LHFPL4: variants seen among roughly 807,000 people sequenced by gnomAD.
The protein encoded by LHFPL4 is LHFPL tetraspan subfamily member 4.
Under a neutral mutation model 20.0 loss-of-function variants are expected in LHFPL4, and 6 were observed. The observed-to-expected ratio is 0.30, with a 90% CI of 0.16 to 0.59. LHFPL4 has a LOEUF of 0.59. Ranked by LOEUF, LHFPL4 falls within the 20% of genes least tolerant of loss-of-function variation. The pLI, the probability that LHFPL4 is intolerant of heterozygous loss-of-function variation, is 0.88. For synonymous variants in LHFPL4, 129 were observed against 143.8 expected (o/e 0.90, Z 0.74); for missense variants, 215 against 331.2 (o/e 0.65, Z 2.72).
chr3:9,502,326 G>C lies in LHFPL4; in HGVS notation c.644-15C>G, dbSNP rs375906196. The C allele has an allele frequency of 5.2e-5, 81 of 1,555,452 alleles. No homozygotes were observed. The highest frequency in any genetic ancestry group is 6.8e-5 in the Non-Finnish European group (77 of 1,127,062). ...GCCCACAAAATCTAAGAGAGAGAGA[G>C]AGAGAGAGAAGGAGAGAGAATTAGA... On this transcript the variant is annotated splice_polypyrimidine_tract_variant and intron_variant, in intron 3 of 3. Transcript: ENST00000287585.
chr3:9,527,160 G>T (rs2046381061), intron 2 of LHFPL4, among the ~76,000 whole-genome samples: 1 of 150,696 alleles, frequency 6.6e-6, no homozygotes, highest in Non-Finnish European at 1.5e-5. Flanking sequence ...AGATAGAAAT[G>T]AAGTTTATAA....
chr3:9,541,780 A>C (rs564129733), intron 2 of LHFPL4, among the ~76,000 whole-genome samples: 1 of 152,252 alleles, frequency 6.6e-6, no homozygotes, highest in East Asian at 1.9e-4. Context: ...TCAAAGAAAA[A>C]AAAAATGGAT....
intron 2 of LHFPL4, among the ~76,000 whole-genome samples, chr3:9,521,232 C>T (rs1269016595): frequency 1.4e-5 from 2 of 139,396 alleles, no homozygotes; most frequent in Admixed American, 7.3e-5. Context: ...TCTTCTTCTT[C>T]TTTTTTTTTT....
Position 9,552,698 on chromosome 3 carries a change from C to G in LHFPL4, c.-19G>C. The stretch of plus-strand genomic sequence containing the variant: ...GCAGCATGGTGCCCGGAGGCGGGGC[C>G]GGCGGCGGCGGCGGCTGGCGGGGGC... On this transcript the variant is annotated 5_prime_UTR_variant, in exon 2 of 4. Transcript: ENST00000287585. 1 of 1,279,212 alleles carries G rather than the reference C, an allele frequency of 7.8e-7. No individual in the cohort carries two copies. The allele number at this position is 1,279,212 out of a possible 1,614,324, so 79.2% of individuals were successfully genotyped here.
chr3:9,535,704 C>T (rs577238251), intron 2 of LHFPL4, among the ~76,000 whole-genome samples: 1 of 150,632 alleles, frequency 6.6e-6, no homozygotes, highest in African/African-American at 2.5e-5. Flanking sequence ...AAGGACCTGG[C>T]TAGGTTTGAG....
At chr3:9,517,153 T>C (rs879888343) in intron 2 of LHFPL4, among the ~76,000 whole-genome samples, 4 of 152,172 alleles carry the variant, frequency 2.6e-5, no homozygotes, top group Admixed American at 1.3e-4. Context: ...ATCAATCCTC[T>C]GATTTTGTTC....
At chr3:9,508,274 C>T (rs1033602383) in intron 2 of LHFPL4, among the ~76,000 whole-genome samples, 13 of 152,140 alleles carry the variant, frequency 8.5e-5, no homozygotes, top group Non-Finnish European at 1.6e-4. Flanking sequence ...CTCCCCAACA[C>T]GTGCTCCTCT....
At chr3:9,504,381 GAAA>G (rs59021970) in intron 3 of LHFPL4, among the ~76,000 whole-genome samples, 1 of 139,062 alleles carries the variant, frequency 7.2e-6, no homozygotes, top group African/African-American at 2.6e-5. Flanking sequence ...CTGTCTCAAG[GAAA>G]AAAAAAAAAA....
At position 9,499,405 on chromosome 3, in the gene LHFPL4, C is replaced by G. The variant is rs575544464; in HGVS notation, c.*2806G>C. 1.3e-5 allele frequency: 2 copies of G among 152,950 alleles called. No homozygotes were observed. Among genetic ancestry groups the G allele is most frequent in the African/African-American group, 4.8e-5 (2 of 41,588 alleles). 9.5% of individuals were successfully genotyped at this position (152,950 alleles called of 1,614,324 possible). A position where few individuals can be genotyped will look rare whatever the true frequency, so the allele number is the denominator to read the frequency against. On this transcript the variant is annotated 3_prime_UTR_variant, in exon 4 of 4. Transcript: ENST00000287585. ...TCTGACTTCTACCCCTTGCCTGTGT[C>G]ACCCTGGGGTTCCCGCAGACTTCAG... is the stretch of plus-strand genomic sequence containing the variant.
Position 9,552,293 on chromosome 3 carries a change from G to C in LHFPL4, c.387C>G (p.Ala129=). 6.2e-7 allele frequency: 1 copy of C among 1,607,600 alleles called. No individual in the cohort carries two copies. Among genetic ancestry groups the C allele is most frequent in the Non-Finnish European group, 8.5e-7 (1 of 1,175,370 alleles). The change falls in exon 2 of 4, where the codon GCC becomes GCG. Residue 129 remains alanine (A), a synonymous_variant. Coordinates refer to ENST00000287585, the MANE Select transcript of LHFPL4 (RefSeq NM_198560.3). ...CCCTACCTGCCAAGAGCTGCATCCAGGCGCAGATCTTGTAGACCGTAGCCG... is the reference window on the plus strand; with the variant it reads ...CCCTACCTGCCAAGAGCTGCATCCACGCGCAGATCTTGTAGACCGTAGCCG... ...CNTATVYKIC[A]WMQLLAALCL...
At chr3:9,542,648 G>A (rs2542341) in intron 2 of LHFPL4, among the ~76,000 whole-genome samples, 145,373 of 151,888 alleles carry the variant, frequency 0.96, 69,608 homozygotes, top group Middle Eastern at 0.99. Flanking sequence ...TTCTACCAAA[G>A]TTTTAAAAAA....
chr3:9,552,608 C>A lies in LHFPL4; in HGVS notation c.72G>T (p.Val24=). 4 of 1,613,898 alleles carry A rather than the reference C, an allele frequency of 2.5e-6. No individual in the cohort carries two copies. Among genetic ancestry groups the A allele is most frequent in the Non-Finnish European group, 3.4e-6 (4 of 1,179,922 alleles). Residue 24 remains valine (V), a synonymous_variant, in exon 2 of 4, where the codon GTG becomes GTT. Coordinates refer to ENST00000287585, the MANE Select transcript of LHFPL4 (RefSeq NM_198560.3). ...HYMRNSRAIG[V]LWAIFTICFA... ...AGCAGATGGTGAAGATGGCCCACAG[C>A]ACGCCGATGGCCCGCGAGTTCCGCA... is the stretch of plus-strand genomic sequence containing the variant.
intron 2 of LHFPL4, among the ~76,000 whole-genome samples, chr3:9,529,631 TTTTA>T (rs535717247): frequency 2.3e-3 from 344 of 152,104 alleles, no homozygotes; most frequent in African/African-American, 7.8e-3. Context: ...GAATCTTTTA[TTTTA>T]TTTATTTATT....
intron 2 of LHFPL4, among the ~76,000 whole-genome samples, chr3:9,507,304 G>A (rs1248173466): frequency 2.6e-5 from 4 of 152,160 alleles, no homozygotes; most frequent in Non-Finnish European, 5.9e-5. Flanking sequence ...AGAGAGGTAC[G>A]TAATAGCAAA....
At chr3:9,520,502 TGC>T (rs1318921620) in intron 2 of LHFPL4, among the ~76,000 whole-genome samples, 1 of 151,966 alleles carries the variant, frequency 6.6e-6, no homozygotes, top group Non-Finnish European at 1.5e-5. Context: ...TACAGGCACG[TGC>T]CACCACGCCC....
chr3:9,552,264 C>A lies in LHFPL4; in HGVS notation c.406+10G>T. On this transcript the variant is annotated intron_variant, in intron 2 of 3. Coordinates refer to ENST00000287585, the MANE Select transcript of LHFPL4 (RefSeq NM_198560.3). ...CTTGTTCTGGGAGTTCCGTCCACCC[C>A]CTCCCCTACCTGCCAAGAGCTGCAT... is the stretch of plus-strand genomic sequence containing the variant. 1 of 1,582,434 alleles carries A rather than the reference C, an allele frequency of 6.3e-7. No homozygotes were observed. Among genetic ancestry groups the A allele is most frequent in the Non-Finnish European group, 8.6e-7 (1 of 1,160,586 alleles).
intron 2 of LHFPL4, among the ~76,000 whole-genome samples, chr3:9,528,583 A>T (rs1223416479): frequency 6.6e-6 from 1 of 152,032 alleles, no homozygotes; most frequent in Non-Finnish European, 1.5e-5. Flanking sequence ...TGACATTTTG[A>T]CCTTCTCTCA....
At position 9,552,467 on chromosome 3, in the gene LHFPL4, C is replaced by G. The variant is rs749406469; in HGVS notation, c.213G>C (p.Ala71=). 14 of 1,612,942 alleles carry G rather than the reference C, an allele frequency of 8.7e-6. No individual in the cohort carries two copies. The highest frequency in any genetic ancestry group is 1.2e-5 in the Non-Finnish European group (14 of 1,179,648). ...AGCCCCGGCAGGTGAGCTCGCGGCC[C>G]GCCAGCCCGCTGCCCACGCAGTAGT... ...LFHYCVGSGL[A]GRELTCRGSF... is the part of the protein sequence containing the mutation. The change falls in exon 2 of 4, where the codon GCG becomes GCC. Residue 71 remains alanine (A), a synonymous_variant. Coordinates refer to ENST00000287585, the MANE Select transcript of LHFPL4 (RefSeq NM_198560.3).
At chr3:9,504,840 C>G (rs1356376708) in intron 3 of LHFPL4, among the ~76,000 whole-genome samples, 2 of 147,966 alleles carry the variant, frequency 1.4e-5, no homozygotes, top group Non-Finnish European at 3.0e-5. Flanking sequence ...AAAAAAAATA[C>G]TGCCACAAAT....
Sources: allele counts gnomAD v4.1 joint callset (sites outside exome capture counted in the v4.1 genomes callset), GRCh38; gene constraint gnomAD v4.1.1; transcripts MANE v1.5; gene names NCBI Gene and HGNC (gene_info 2026-07-23, HGNC 2026-07-21).